The following PRKAG2 variants were observed in gnomAD, a reference collection of about 807,000 sequenced individuals.
The protein encoded by PRKAG2 is 5'-AMP-activated protein kinase subunit gamma-2.
PRKAG2 carries 26 observed loss-of-function variants against 69.6 expected under a neutral mutation model. The ratio of observed to expected loss-of-function variants is 0.37; its 90% CI spans 0.27 to 0.52. The LOEUF is 0.52. Among genes scored for constraint, PRKAG2 ranks in the 20% least tolerant of loss-of-function variants. PRKAG2 has a pLI of 0.90. For synonymous variants in PRKAG2, 293 were observed against 285.0 expected (o/e 1.03, Z -0.28); for missense variants, 557 against 740.0 (o/e 0.75, Z 2.87).
chr7:151,792,655 TAGAA>T (rs1463049350), intron 1 of PRKAG2, among the ~76,000 whole-genome samples: 1 of 152,156 alleles, frequency 6.6e-6, no homozygotes, highest in South Asian at 2.1e-4. Flanking sequence ...ACAGGACAAA[TAGAA>T]AGGCTGCCAG....
rs139917984 is a variant in PRKAG2, at chr7:151,654,051, T to C, written c.684+21369A>G. ...ATTTTAGATGTTTTAAATCATGGTG[T>C]TTTCAAAATGAGGATAATTTCTTTG... On this transcript the variant is annotated intron_variant, in intron 4 of 15. Transcript: ENST00000287878. 5.9e-5 allele frequency among the ~76,000 whole-genome samples: 9 copies of C among 152,304 alleles called. No individual in the cohort carries two copies. In the East Asian group the frequency reaches 1.7e-3, roughly 29 times the overall value.
intron 1 of PRKAG2, among the ~76,000 whole-genome samples, chr7:151,832,399 T>C (rs575298845): frequency 3.4e-4 from 51 of 152,174 alleles, no homozygotes; most frequent in African/African-American, 1.1e-3. Flanking sequence ...CTGGGCAGTG[T>C]TCACAGTGCC....
intron 3 of PRKAG2, among the ~76,000 whole-genome samples, chr7:151,739,199 C>T (rs1472625186): frequency 2.6e-5 from 4 of 152,244 alleles, no homozygotes; most frequent in Admixed American, 1.3e-4. Context: ...GGTAGAGCAA[C>T]TGCTCACGTG....
chr7:151,854,962 ACCACC>A, intron 1 of PRKAG2, among the ~76,000 whole-genome samples: 1 of 25,380 alleles, frequency 3.9e-5, no homozygotes, highest in Admixed American at 3.9e-4. Flanking sequence ...CTCTCCACAT[ACCACC>A]CTCCACACAC....
rs540251302 is a variant in PRKAG2 at position 151,714,070 on chromosome 7, T to C, written c.467-38433A>G. Among the ~76,000 whole-genome samples, 17 of 152,220 alleles carry C rather than the reference T, an allele frequency of 1.1e-4. No individual in the cohort carries two copies. In the East Asian group the frequency reaches 3.3e-3, roughly 29 times the overall value. On this transcript the variant is annotated intron_variant, in intron 3 of 15. Transcript: ENST00000287878. ...TGGGGGGTCACTGGTAGCGGTTAGA[T>C]AACTCGGGCTGGGGTCCCAGCCCTG...
chr7:151,778,284 C>T (rs2151797853), intron 3 of PRKAG2, among the ~76,000 whole-genome samples: 1 of 152,268 alleles, frequency 6.6e-6, no homozygotes, highest in Non-Finnish European at 1.5e-5. Context: ...GCTGGCCTCA[C>T]ATTAAACATT....
intron 3 of PRKAG2, among the ~76,000 whole-genome samples, chr7:151,694,887 G>A (rs960212591): frequency 6.6e-5 from 10 of 152,174 alleles, no homozygotes; most frequent in South Asian, 2.1e-4. Flanking sequence ...TGCAAACACC[G>A]CACCCACACG....
intron 10 of PRKAG2, among the ~76,000 whole-genome samples, chr7:151,569,526 G>T (rs941039277): frequency 1.3e-5 from 2 of 152,224 alleles, no homozygotes; most frequent in Non-Finnish European, 2.9e-5. Flanking sequence ...ATATTGCAGG[G>T]CCAACATTTC....
intron 6 of PRKAG2, among the ~76,000 whole-genome samples, chr7:151,587,310 C>T (rs2151093774): frequency 6.6e-6 from 1 of 152,220 alleles, no homozygotes; most frequent in East Asian, 1.9e-4. Context: ...AAATAGATGA[C>T]TGAATAAACA....
At chr7:151,764,597 G>A (rs2075630478) in intron 3 of PRKAG2, among the ~76,000 whole-genome samples, 1 of 152,208 alleles carries the variant, frequency 6.6e-6, no homozygotes, top group African/African-American at 2.4e-5. Flanking sequence ...GACTGCGATG[G>A]CTACACCACG....
intron 2 of PRKAG2, among the ~76,000 whole-genome samples, chr7:151,786,032 G>A (rs1416798342): frequency 2.0e-5 from 3 of 152,230 alleles, no homozygotes; most frequent in African/African-American, 4.8e-5. Context: ...GGTGCAACAC[G>A]AGGTGGAAGG....
chr7:151,622,678 A>G (rs1821819446), intron 5 of PRKAG2, among the ~76,000 whole-genome samples: 1 of 152,200 alleles, frequency 6.6e-6, no homozygotes, highest in South Asian at 2.1e-4. Flanking sequence ...GTGACACACC[A>G]TCTTTCCTGA....
intron 3 of PRKAG2, among the ~76,000 whole-genome samples, chr7:151,678,266 G>A (rs765902085): frequency 3.9e-5 from 6 of 152,304 alleles, no homozygotes; most frequent in Middle Eastern, 3.4e-3. Flanking sequence ...AAGATCTACC[G>A]TCTGTCTTGG....
rs1836321193 is a variant in PRKAG2 at position 151,694,836 on chromosome 7, C to T, written c.467-19199G>A. On this transcript the variant is annotated intron_variant, in intron 3 of 15. Coordinates refer to ENST00000287878, the MANE Select transcript of PRKAG2 (RefSeq NM_016203.4). ...TGCATGGCCTGGTGTCCCCATGTGC[C>T]CCCAACACCGAGGGCCAGAGCAAGG... Among the ~76,000 whole-genome samples, 2 of 152,192 alleles carry T rather than the reference C, an allele frequency of 1.3e-5. 1 individual carries two copies. Among genetic ancestry groups the T allele is most frequent in the South Asian group, 4.1e-4 (2 of 4,834 alleles).
At chr7:151,752,211 T>C (rs2074740647) in intron 3 of PRKAG2, among the ~76,000 whole-genome samples, 1 of 152,130 alleles carries the variant, frequency 6.6e-6, no homozygotes, top group Admixed American at 6.5e-5. Context: ...CTGCGGAATA[T>C]TACACAGCCA....
At chr7:151,586,227 C>T (rs1255741226) in intron 6 of PRKAG2, among the ~76,000 whole-genome samples, 5 of 152,204 alleles carry the variant, frequency 3.3e-5, no homozygotes, top group Admixed American at 1.3e-4. Context: ...TCTGGGACCT[C>T]GTGCCAGGCT....
chr7:151,737,604 G>C (rs1420108880), intron 3 of PRKAG2, among the ~76,000 whole-genome samples: 1 of 152,164 alleles, frequency 6.6e-6, no homozygotes, highest in Non-Finnish European at 1.5e-5. Context: ...ATGGAGTGTG[G>C]GGTGGAAGCG....
intron 1 of PRKAG2, among the ~76,000 whole-genome samples, chr7:151,819,161 C>T (rs909391223): frequency 2.6e-5 from 4 of 152,122 alleles, no homozygotes; most frequent in Non-Finnish European, 4.4e-5. Context: ...GTGACCTGGA[C>T]GCTATTGGTC....
At position 151,795,879 on chromosome 7, in the gene PRKAG2, AT is replaced by A. The variant is rs1563689707; in HGVS notation, c.115-9339del. On this transcript the variant is annotated intron_variant, in intron 1 of 15. Coordinates refer to ENST00000287878, the MANE Select transcript of PRKAG2 (RefSeq NM_016203.4). ...TATATATATATATATATATATATAT[AT>A]ATATATATATCACGATAATATGTAT... Among the ~76,000 whole-genome samples, 118 of 115,872 alleles carry A rather than the reference AT, an allele frequency of 1.0e-3. 2 individuals are homozygous for A. The highest frequency in any genetic ancestry group is 4.0e-3 in the Middle Eastern group (1 of 250). 76.0% of individuals were successfully genotyped at this position (115,872 alleles called of 152,430 possible).
Sources: allele counts gnomAD v4.1 joint callset (sites outside exome capture counted in the v4.1 genomes callset), GRCh38; gene constraint gnomAD v4.1.1; transcripts MANE v1.5; gene names NCBI Gene and HGNC (gene_info 2026-07-23, HGNC 2026-07-21).